Variants in RBM44 observed in about 807,000 individuals in gnomAD.
RBM44 encodes RNA binding motif protein 44.
A neutral mutation model predicts 105.1 loss-of-function variants in RBM44; 66 were observed. That is an observed-to-expected ratio of 0.63 (90% CI 0.52 to 0.77). The LOEUF is 0.77. Ranked by LOEUF, RBM44 falls within the 30% of genes least tolerant of loss-of-function variation. The pLI, the probability that RBM44 is intolerant of heterozygous loss-of-function variation, is 0.00. For missense variants in RBM44, 1,122 were observed against 1,207.8 expected (o/e 0.93, Z 1.05); for synonymous variants, 365 against 417.6 (o/e 0.87, Z 1.54).
rs201742377 is a variant in RBM44 at position 237,817,731 on chromosome 2, G to T, written c.812G>T (p.Arg271Ile). 30 of 1,612,180 alleles carry T rather than the reference G, an allele frequency of 1.9e-5. No homozygotes were observed. The highest frequency in any genetic ancestry group is 2.2e-5 in the Non-Finnish European group (26 of 1,179,094). The change falls in exon 3 of 16, where the codon AGA becomes ATA. Residue 271 changes from arginine (R) to isoleucine (I), a missense_variant. This residue lies in a region of RBM44 where 918 missense variants were observed against 955.3 expected (regional missense o/e 0.96). Coordinates refer to ENST00000316997, the MANE Select transcript of RBM44 (RefSeq NM_001080504.3). Reference sequence around the variant, plus strand: ...AAATTTCAGAATTCTGTTATGTTAAGAGAATATCATGACCTAAAGCATGAA... The same window carrying T: ...AAATTTCAGAATTCTGTTATGTTAATAGAATATCATGACCTAAAGCATGAA... Reference protein sequence around the residue: ...VSKFQNSVMLREYHDLKHEKY... With the variant: ...VSKFQNSVMLIEYHDLKHEKY...
intron 1 of RBM44, among the ~76,000 whole-genome samples, chr2:237,810,353 C>T (rs2061646582): frequency 6.6e-6 from 1 of 152,174 alleles, no homozygotes; most frequent in Admixed American, 6.5e-5. Flanking sequence ...TTAACAAAAA[C>T]AAATCCTCTT....
At chr2:237,814,565 T>C (rs2061693815) in intron 2 of RBM44, among the ~76,000 whole-genome samples, 1 of 151,984 alleles carries the variant, frequency 6.6e-6, no homozygotes, top group Non-Finnish European at 1.5e-5. Flanking sequence ...AAAATAAATT[T>C]TAAAATACAG....
Position 237,821,831 on chromosome 2 carries a change from A to G in RBM44, c.2205+4A>G. On this transcript the variant is annotated splice_donor_region_variant and intron_variant, in intron 8 of 15. Coordinates refer to ENST00000316997, the MANE Select transcript of RBM44 (RefSeq NM_001080504.3). ...CCTAAAAAAGACACTCTCTCAAGTA[A>G]GGGTCCTTGAAAGTTCATCAATGCA... 6.3e-7 allele frequency: 1 copy of G among 1,588,420 alleles called. No homozygotes were observed. The highest frequency in any genetic ancestry group is 8.6e-7 in the Non-Finnish European group (1 of 1,158,202).
intron 13 of RBM44, 36 bp downstream of exon 13, chr2:237,829,538 G>T: frequency 6.5e-7 from 1 of 1,547,488 alleles, no homozygotes; most frequent in Non-Finnish European, 8.8e-7. Context: ...AATGGTCTTT[G>T]TACGTCATAT....
Position 237,817,414 on chromosome 2 carries a change from T to C in RBM44, c.495T>C (p.Asp165=). The stretch of plus-strand genomic sequence containing the variant: ...TGGAAAGAATCTACAATATTTCAGA[T>C]GCTAATTATAGAGAAAGTGCTGAAG... The part of the protein sequence containing the change: ...VGLERIYNIS[D]ANYRESAEDT... The change falls in exon 3 of 16, where the codon GAT becomes GAC. Residue 165 remains aspartate (D), a synonymous_variant. Coordinates refer to ENST00000316997, the MANE Select transcript of RBM44 (RefSeq NM_001080504.3). 1.9e-6 allele frequency: 3 copies of C among 1,600,214 alleles called. No homozygotes were observed. Among genetic ancestry groups the C allele is most frequent in the Non-Finnish European group, 2.6e-6 (3 of 1,172,526 alleles).
chr2:237,822,776 G>A (rs986620950), intron 8 of RBM44, among the ~76,000 whole-genome samples: 1 of 151,808 alleles, frequency 6.6e-6, no homozygotes, highest in African/African-American at 2.4e-5. Context: ...TCTTGGTTTT[G>A]GCTACAAAAC....
intron 2 of RBM44, among the ~76,000 whole-genome samples, chr2:237,814,219 G>C (rs1352372086): frequency 6.6e-6 from 1 of 151,964 alleles, no homozygotes; most frequent in Admixed American, 6.6e-5. Context: ...AGAAAAGAAA[G>C]GTTTAGGATA....
rs1478281333 is a variant in RBM44 at position 237,827,335 on chromosome 2, C to A, written c.2529+6C>A. On this transcript the variant is annotated splice_donor_region_variant and intron_variant, in intron 11 of 15. Coordinates refer to ENST00000316997, the MANE Select transcript of RBM44 (RefSeq NM_001080504.3). ...TCTGCCCTTCAGTATCTGAGGTATA[C>A]CAGGATTATTTTTTTGAGCTTCATT... is the stretch of plus-strand genomic sequence containing the variant. 1 of 1,544,506 alleles carries A rather than the reference C, an allele frequency of 6.5e-7. No individual in the cohort carries two copies. Among genetic ancestry groups the A allele is most frequent in the South Asian group, 1.2e-5 (1 of 84,696 alleles).
chr2:237,802,281 T>G (rs2150965258), intron 1 of RBM44, among the ~76,000 whole-genome samples: 1 of 152,336 alleles, frequency 6.6e-6, no homozygotes, highest in South Asian at 2.1e-4. Flanking sequence ...GCCTGAGCTC[T>G]GCTTCCTGTC....
At chr2:237,819,730 AT>A (rs2061762604) in intron 4 of RBM44, among the ~76,000 whole-genome samples, 1 of 151,982 alleles carries the variant, frequency 6.6e-6, no homozygotes, top group African/African-American at 2.4e-5. Flanking sequence ...AAATATGTAA[AT>A]TATTTTCTAT....
In RBM44 at chr2:237,827,501, C is replaced by T. The variant is rs1287932194; in HGVS notation, c.2598C>T (p.Tyr866=). 2 of 1,477,768 alleles carry T rather than the reference C, an allele frequency of 1.4e-6. No homozygotes were observed. The highest frequency in any genetic ancestry group is 1.2e-5 in the South Asian group (1 of 81,366). The allele number at this position is 1,477,768 out of a possible 1,614,324, so 91.5% of individuals were successfully genotyped here. Residue 866 remains tyrosine, a splice_region_variant and synonymous_variant, in exon 12 of 16, where the codon TAC becomes TAT. Transcript: ENST00000316997. ...SEISIYDSTN[Y]RYASLAFTKN... is the part of the protein sequence containing the mutation. ...TTTCAATTTATGATTCTACTAATTA[C>T]AGGTGTGTTTCCCAACTTTAATCAA...
chr2:237,837,985 T>G (rs11900026), intron 15 of RBM44, among the ~76,000 whole-genome samples: 1 of 147,804 alleles, frequency 6.8e-6, no homozygotes, highest in Non-Finnish European at 1.5e-5. Flanking sequence ...AAGAAGTCCT[T>G]CTCTGGGTAA....
rs1466306158 is a variant in RBM44 at position 237,817,518 on chromosome 2, AT to A, written c.602del (p.Leu201TyrfsTer9). 2 of 1,608,880 alleles carry A rather than the reference AT, an allele frequency of 1.2e-6. No individual in the cohort carries two copies. Among genetic ancestry groups the A allele is most frequent in the African/African-American group, 2.7e-5 (2 of 74,830 alleles). On this transcript the variant is annotated frameshift_variant, in exon 3 of 16. Coordinates refer to ENST00000316997, the MANE Select transcript of RBM44 (RefSeq NM_001080504.3). LOFTEE classifies it high-confidence loss of function. ...GAAGAACAAGAATACATAAGTAACC[AT>A]TTATCTTTTGACCAAACAAAAGCAT... ...SAEEQEYISNHLSFDQTKALD... is the reference protein window; with the variant it reads ...SAEEQEYISNXLSFDQTKALD...
chr2:237,811,303 C>T (rs545031490), intron 1 of RBM44, among the ~76,000 whole-genome samples: 1 of 152,106 alleles, frequency 6.6e-6, no homozygotes, highest in East Asian at 1.9e-4. Context: ...TACTAGGTTT[C>T]CAGTTGCCCA....
In RBM44 at chr2:237,813,631, G is replaced by A; in HGVS notation, c.22G>A (p.Glu8Lys). The A allele has an allele frequency of 6.2e-7, 1 of 1,610,762 alleles. No homozygotes were observed. The highest frequency in any genetic ancestry group is 8.5e-7 in the Non-Finnish European group (1 of 1,177,264). The change falls in exon 2 of 16, where the codon GAG (glutamate) becomes AAG (lysine). Residue 8 changes from glutamate to lysine, a missense_variant. Around this residue, in one of 3 missense-constraint regions of RBM44, gnomAD observed 918 missense variants for 955.3 expected, o/e 0.96. Coordinates refer to ENST00000316997, the MANE Select transcript of RBM44 (RefSeq NM_001080504.3). MQATAVV[E>K]TASGKGYHSN... ...AATGATGCAGGCCACTGCAGTGGTG[G>A]AGACAGCATCTGGTAAAGGCTACCA...
At chr2:237,834,546 T>C (rs56011431) in intron 15 of RBM44, 123 bp downstream of exon 15, 11,209 of 483,096 alleles carry the variant, frequency 0.023, 180 homozygotes, top group Middle Eastern at 0.037. Context: ...CAAAATAATA[T>C]GAAATTTTAA....
At chr2:237,811,234 G>A (rs1183761846) in intron 1 of RBM44, among the ~76,000 whole-genome samples, 1 of 151,914 alleles carries the variant, frequency 6.6e-6, no homozygotes, top group African/African-American at 2.4e-5. Flanking sequence ...TTATCCCTTC[G>A]ATGCTTTATT....
intron 15 of RBM44, among the ~76,000 whole-genome samples, chr2:237,840,201 A>AAG (rs2150993873): frequency 6.6e-6 from 1 of 151,372 alleles, no homozygotes; most frequent in South Asian, 2.1e-4. Flanking sequence ...AAAAAAAAAA[A>AAG]AAAAAAAAAG....
At chr2:237,828,579 T>C (rs908953334) in intron 12 of RBM44, among the ~76,000 whole-genome samples, 1 of 152,160 alleles carries the variant, frequency 6.6e-6, no homozygotes, top group Admixed American at 6.6e-5. Flanking sequence ...TATAAAAATG[T>C]ATCCATAGTC....
Sources: gnomAD v4.1 joint callset for allele counts (sites outside exome capture counted in the v4.1 genomes callset) on GRCh38, gnomAD v4.1.1 for gene constraint, gnomAD v4.1.1 regional missense constraint, MANE v1.5 for transcripts, NCBI Gene and HGNC (gene_info 2026-07-23, HGNC 2026-07-21) for gene names.